Variants in NEBL observed in about 807,000 individuals in gnomAD.
The protein encoded by NEBL is LIM and SH3 protein 2.
NEBL carries 122 observed loss-of-function variants against 140.2 expected under a neutral mutation model. The observed-to-expected ratio is 0.87, with a 90% CI of 0.75 to 1.01. NEBL has a LOEUF of 1.01. NEBL is among the 50% of genes least tolerant of loss of function. The probability of loss-of-function intolerance (pLI) is 0.00; values close to 1 mark genes in which losing one functional copy is unlikely to be tolerated. For missense variants in NEBL, 1,365 were observed against 1,231.3 expected (o/e 1.11, Z -1.62); for synonymous variants, 436 against 398.9 (o/e 1.09, Z -1.11).
chr10:20,798,108 T>G (rs1342306305), intron 26 of NEBL, among the ~76,000 whole-genome samples: 1 of 87,762 alleles, frequency 1.1e-5, no homozygotes, highest in African/African-American at 4.1e-5. Flanking sequence ...TGTTTCTAAT[T>G]ACAAAAAAAA....
At chr10:21,070,185 T>C (rs1835754793) in intron 2 of NEBL, among the ~76,000 whole-genome samples, 1 of 152,202 alleles carries the variant, frequency 6.6e-6, no homozygotes, top group Admixed American at 6.5e-5. Flanking sequence ...ACCCGGACTG[T>C]TATGGAAAGT....
chr10:20,994,636 T>G (rs1232422139), intron 3 of NEBL, among the ~76,000 whole-genome samples: 1 of 152,190 alleles, frequency 6.6e-6, no homozygotes, highest in Non-Finnish European at 1.5e-5. Context: ...CCCAAAAAAC[T>G]TAACCACATA....
At chr10:21,008,881 G>A (rs1564478578) in intron 3 of NEBL, among the ~76,000 whole-genome samples, 1 of 151,618 alleles carries the variant, frequency 6.6e-6, no homozygotes, top group Non-Finnish European at 1.5e-5. Flanking sequence ...CATATTGTAT[G>A]TAATGTATGT....
At chr10:21,210,787 C>A (rs1178496608) in intron 3 of NEBL, among the ~76,000 whole-genome samples, 1 of 152,162 alleles carries the variant, frequency 6.6e-6, no homozygotes, top group Admixed American at 6.5e-5. Flanking sequence ...GTTAAGATAT[C>A]ATATTCTATT....
At chr10:20,820,355 T>C (rs558227968) in intron 19 of NEBL, among the ~76,000 whole-genome samples, 6 of 152,250 alleles carry the variant, frequency 3.9e-5, no homozygotes, top group Admixed American at 1.3e-4. Flanking sequence ...TGAGCATCAA[T>C]AGAGAAAATC....
intron 1 of NEBL, among the ~76,000 whole-genome samples, chr10:21,271,348 TAG>T (rs1350129447): frequency 6.6e-6 from 1 of 151,998 alleles, no homozygotes; most frequent in African/African-American, 2.4e-5. Context: ...CTCCTGGAAG[TAG>T]AGAGTAGAGA....
In NEBL at chr10:20,833,749, C is replaced by G. The variant is rs375916508; in HGVS notation, c.1449+1764G>C. On this transcript the variant is annotated intron_variant, in intron 14 of 27. Coordinates refer to ENST00000377122, the MANE Select transcript of NEBL (RefSeq NM_006393.3). ...CCAGCCTGGGCGACAGAGCGAGACT[C>G]CGTCTCAAAAAAAAAAAAAAAGAAA... Among the ~76,000 whole-genome samples the G allele has an allele frequency of 3.3e-5, 5 of 149,680 alleles. No homozygotes were observed. In the East Asian group the frequency reaches 9.8e-4, roughly 29 times the overall value.
rs74122610 is a variant in NEBL at position 21,041,434 on chromosome 10, T to A, written c.165-21233A>T. Reference sequence around the variant, plus strand: ...GCAAAGACAACATCATCATCACCACTAACAACCAAGGGAAGATGCAGACAA... The same window carrying A: ...GCAAAGACAACATCATCATCACCACAAACAACCAAGGGAAGATGCAGACAA... On this transcript the variant is annotated intron_variant, in intron 2 of 6. Transcript: ENST00000417816. Among the ~76,000 whole-genome samples the A allele has an allele frequency of 3.5e-3, 535 of 152,086 alleles. 2 individuals carry two copies. The highest frequency in any genetic ancestry group is 0.012 in the African/African-American group (510 of 41,488).
Position 21,003,864 on chromosome 10 carries a change from G to T in NEBL, c.249+16253C>A, listed in dbSNP as rs1254347545. On this transcript the variant is annotated intron_variant, in intron 3 of 6. Coordinates refer to the NEBL transcript ENST00000417816. ...AAACGTATCTAAATTTCTTGGGGAAGAAATGTATGAAAGGGAATAAAAAAT... is the reference window on the plus strand; with the variant it reads ...AAACGTATCTAAATTTCTTGGGGAATAAATGTATGAAAGGGAATAAAAAAT... Among the ~76,000 whole-genome samples the T allele has an allele frequency of 3.3e-5, 5 of 152,260 alleles. No individual in the cohort carries two copies. In the South Asian group the frequency reaches 8.3e-4, roughly 25 times the overall value.
At chr10:21,084,580 G>A (rs1314836807) in intron 2 of NEBL, among the ~76,000 whole-genome samples, 2 of 151,724 alleles carry the variant, frequency 1.3e-5, no homozygotes, top group Non-Finnish European at 2.9e-5. Context: ...CTGGGTGACG[G>A]AGCAAGACTC....
intron 3 of NEBL, among the ~76,000 whole-genome samples, chr10:21,011,687 G>A (rs1838345668): frequency 7.1e-6 from 1 of 140,866 alleles, no homozygotes; most frequent in Non-Finnish European, 1.5e-5. Context: ...GCATCTGTTG[G>A]CATCTGTGGC....
intron 2 of NEBL, among the ~76,000 whole-genome samples, chr10:21,082,005 T>C (rs1051065542): frequency 2.0e-5 from 3 of 152,250 alleles, no homozygotes; most frequent in Middle Eastern, 3.4e-3. Context: ...ATGATGAAAG[T>C]GAACATCACC....
At chr10:20,999,300 A>G (rs1837792707) in intron 3 of NEBL, among the ~76,000 whole-genome samples, 1 of 152,182 alleles carries the variant, frequency 6.6e-6, no homozygotes, top group South Asian at 2.1e-4. Flanking sequence ...CCAGCCCCAC[A>G]AGAAATACAA....
chr10:21,266,161 G>A (rs1482627164), intron 1 of NEBL, among the ~76,000 whole-genome samples: 1 of 151,784 alleles, frequency 6.6e-6, no homozygotes, highest in Non-Finnish European at 1.5e-5. Flanking sequence ...GTTTTGTTGA[G>A]ATGGGGTCTC....
At chr10:20,832,414 A>G (rs1025528498) in intron 14 of NEBL, among the ~76,000 whole-genome samples, 1 of 151,954 alleles carries the variant, frequency 6.6e-6, no homozygotes, top group Admixed American at 6.6e-5. Context: ...AGAACAACAA[A>G]TAAGTTATCT....
intron 2 of NEBL, among the ~76,000 whole-genome samples, chr10:21,085,298 C>T (rs1836572166): frequency 6.6e-6 from 1 of 152,018 alleles, no homozygotes; most frequent in Non-Finnish European, 1.5e-5. Context: ...GGAATTTTTC[C>T]AATTGTGCAT....
upstream of NEBL, chr10:20,897,457 T>G: frequency 8.3e-7 from 1 of 1,209,308 alleles, no homozygotes; most frequent in African/African-American, 1.6e-5. Flanking sequence ...TTTGATTTTA[T>G]GAACTTTTAA....
intron 4 of NEBL, among the ~76,000 whole-genome samples, chr10:20,922,884 T>C (rs148813678): frequency 3.9e-5 from 6 of 152,152 alleles, no homozygotes; most frequent in African/African-American, 1.4e-4. Context: ...AAATGTAAAA[T>C]GAAATGATAA....
At chr10:20,894,634 G>A (rs189676882) in intron 2 of NEBL, among the ~76,000 whole-genome samples, 2 of 151,972 alleles carry the variant, frequency 1.3e-5, no homozygotes, top group Non-Finnish European at 2.9e-5. Flanking sequence ...GCCAGAATAG[G>A]CCGGGCATGG....
Sources: allele counts gnomAD v4.1 joint callset (sites outside exome capture counted in the v4.1 genomes callset), GRCh38; gene constraint gnomAD v4.1.1; transcripts MANE v1.5; gene names NCBI Gene and HGNC (gene_info 2026-07-23, HGNC 2026-07-21).